The following TM4SF1 variants were observed in gnomAD, a reference collection of about 807,000 sequenced individuals.
TM4SF1 encodes transmembrane 4 L six family member 1, also known as transmembrane 4 L6 family member 1.
Under a neutral mutation model 24.5 loss-of-function variants are expected in TM4SF1, and 20 were observed. The observed-to-expected ratio is 0.82, with a 90% confidence interval of 0.57 to 1.19. The LOEUF is 1.19. TM4SF1 is among the 50% of genes most tolerant of loss of function. TM4SF1 has a pLI of 0.00. For missense variants in TM4SF1, 258 were observed against 248.1 expected, an observed-to-expected ratio of 1.04 and a Z score of -0.27; for synonymous variants, 107 against 95.4, an observed-to-expected ratio of 1.12 and a Z score of -0.71.
At chr3:149,371,427 G>C (rs548776897) in intron 4 of TM4SF1, 2 of 587,102 alleles carry the variant, frequency 3.4e-6, no homozygotes, top group African/African-American at 3.7e-5. Context: ...GATCCTGAAG[G>C]GAGCGCTGTG....
At chr3:149,377,200 C>T (rs368410043) in intron 1 of TM4SF1, among the ~76,000 whole-genome samples, 171 bp downstream of exon 1, 3 of 152,302 alleles carry the variant, frequency 2.0e-5, no homozygotes, top group Middle Eastern at 3.4e-3. Context: ...AAAATTACTA[C>T]GCTATACTGT....
At position 149,375,452 on chromosome 3, in the gene TM4SF1, G is replaced by C. The variant is rs1226206691; in HGVS notation, c.404C>G (p.Thr135Ser). 1.2e-6 allele frequency: 2 copies of C among 1,614,180 alleles called. No individual in the cohort carries two copies. The highest frequency in any genetic ancestry group is 1.7e-6 in the Non-Finnish European group (2 of 1,180,026). ...GAGAGTAATTACATACTGGCCCTCA[G>C]TGCTGGCAAAGGTGTAGTTCCACTG... ...LGQWNYTFAS[T>S]EGQYLLDTST... Residue 135 changes from threonine to serine, a missense_variant, in exon 3 of 5, where the codon ACT becomes AGT. Transcript: ENST00000305366.
At position 149,371,746 on chromosome 3, in the gene TM4SF1, T is replaced by A. The variant is rs774586987; in HGVS notation, c.535A>T (p.Ile179Phe). 1 of 1,614,136 alleles carries A rather than the reference T, an allele frequency of 6.2e-7. No individual in the cohort carries two copies. The highest frequency in any genetic ancestry group is 1.1e-5 in the South Asian group (1 of 91,068). The change falls in exon 4 of 5, where the codon ATT becomes TTT. Residue 179 changes from isoleucine (I) to phenylalanine (F), a missense_variant. Ile to Phe is a conservative substitution (Grantham distance 21). Coordinates refer to ENST00000305366, the MANE Select transcript of TM4SF1 (RefSeq NM_014220.3). ...LGGIEFILCL[I>F]QVINGVLGGI... is the part of the protein sequence containing the mutation. ...CCAAGCACTCCATTTATTACTTGAATAAGACACAAGATGAATTCAATTCCA... is the reference window on the plus strand; with the variant it reads ...CCAAGCACTCCATTTATTACTTGAAAAAGACACAAGATGAATTCAATTCCA...
At chr3:149,371,099 A>G (rs114057789) in intron 4 of TM4SF1, 4,651 of 152,798 alleles carry the variant, frequency 0.03, 222 homozygotes, top group African/African-American at 0.1. Flanking sequence ...GTGATTCTCC[A>G]TACTTACTGC....
At chr3:149,375,864 G>T (rs1731940372) in intron 1 of TM4SF1, 95 bp from the exon 2 acceptor site, 7 of 1,139,886 alleles carry the variant, frequency 6.1e-6, no homozygotes, top group Non-Finnish European at 1.3e-6. Flanking sequence ...TATTTCCAAT[G>T]ACATTAACTG....
At position 149,369,770 on chromosome 3, in the gene TM4SF1, T is replaced by C; in HGVS notation, c.*96A>G. The C allele has an allele frequency of 6.6e-7, 1 of 1,517,302 alleles. No homozygotes were observed. The highest frequency in any genetic ancestry group is 9.1e-7 in the Non-Finnish European group (1 of 1,102,860). The allele number at this position is 1,517,302 out of a possible 1,614,324, so 94.0% of individuals were successfully genotyped here. On this transcript the variant is annotated 3_prime_UTR_variant, in exon 5 of 5. Coordinates refer to ENST00000305366, the MANE Select transcript of TM4SF1 (RefSeq NM_014220.3). ...GTAAAAGTAGACTGTGGGGAGTATG[T>C]TACACTAATACAAAGTTTTACAAAT...
rs369880687 is a variant in TM4SF1 at position 149,377,336 on chromosome 3, A to C, written c.177+35T>G. ...TACATAATGAAAACATCTAGGAAAC[A>C]GGAGAGAATTCAGTAATAATCCTGA... is the stretch of plus-strand genomic sequence containing the variant. On this transcript the variant is annotated intron_variant, in intron 1 of 4. Coordinates refer to ENST00000305366, the MANE Select transcript of TM4SF1 (RefSeq NM_014220.3). 3.4e-5 allele frequency: 53 copies of C among 1,579,728 alleles called. No homozygotes were observed. In the African/African-American group the frequency reaches 6.1e-4, roughly 18 times the overall value.
intron 1 of TM4SF1, among the ~76,000 whole-genome samples, chr3:149,377,154 T>G (rs1366431553): frequency 6.6e-6 from 1 of 152,212 alleles, no homozygotes; most frequent in Non-Finnish European, 1.5e-5. Context: ...CAGTTCACTT[T>G]TAGTTGAAAG....
chr3:149,371,894 C>T (rs1458759202), intron 3 of TM4SF1, 27 bp from the exon 4 acceptor site: 1 of 1,610,632 alleles, frequency 6.2e-7, no homozygotes, highest in East Asian at 2.2e-5. Flanking sequence ...AAACTTCTGA[C>T]ACACGGTCAT....
intron 1 of TM4SF1, among the ~76,000 whole-genome samples, chr3:149,376,289 GAAA>G (rs1731951002): frequency 6.6e-6 from 1 of 152,158 alleles, no homozygotes; most frequent in Admixed American, 6.5e-5. Flanking sequence ...TAGTAAATAT[GAAA>G]TACTTCAGGT....
In TM4SF1 at chr3:149,369,631, T is replaced by C. The variant is rs1200818646; in HGVS notation, c.*235A>G. 5 of 483,572 alleles carry C rather than the reference T, an allele frequency of 1.0e-5. No homozygotes were observed. The highest frequency in any genetic ancestry group is 1.0e-4 in the African/African-American group (5 of 49,530). 30.0% of individuals were successfully genotyped at this position (483,572 alleles called of 1,614,324 possible). A position where few individuals can be genotyped will look rare whatever the true frequency, so the allele number is the denominator to read the frequency against. On this transcript the variant is annotated 3_prime_UTR_variant, in exon 5 of 5. Coordinates refer to ENST00000305366, the MANE Select transcript of TM4SF1 (RefSeq NM_014220.3). Reference sequence around the variant, plus strand: ...CAGTCTGTAAATTACCCCCAGAGGGTGGTTTGTTTCCTCATTCCTTAAAAA... The same window carrying C: ...CAGTCTGTAAATTACCCCCAGAGGGCGGTTTGTTTCCTCATTCCTTAAAAA...
At chr3:149,376,566 C>G (rs1366160190) in intron 1 of TM4SF1, among the ~76,000 whole-genome samples, 1 of 152,070 alleles carries the variant, frequency 6.6e-6, no homozygotes. Flanking sequence ...ATTTGCCATG[C>G]CATAATCAGT....
rs1390225175 is a variant in TM4SF1 at position 149,369,794 on chromosome 3, A to C, written c.*72T>G. The C allele has an allele frequency of 1.9e-6, 3 of 1,599,216 alleles. No homozygotes were observed. Among genetic ancestry groups the C allele is most frequent in the Non-Finnish European group, 2.6e-6 (3 of 1,171,936 alleles). ...GTTACACTAATACAAAGTTTTACAA[A>C]TGAATACAAGTGAAATATATAAATT... is the stretch of plus-strand genomic sequence containing the variant. On this transcript the variant is annotated 3_prime_UTR_variant, in exon 5 of 5. Coordinates refer to ENST00000305366, the MANE Select transcript of TM4SF1 (RefSeq NM_014220.3).
chr3:149,376,561 C>T (rs186674855), intron 1 of TM4SF1, among the ~76,000 whole-genome samples: 6 of 152,218 alleles, frequency 3.9e-5, no homozygotes, highest in East Asian at 3.9e-4. Flanking sequence ...GGCAGATTTG[C>T]CATGCCATAA....
In TM4SF1 at chr3:149,369,845, C is replaced by A. The variant is rs1201302916; in HGVS notation, c.*21G>T. 2.5e-6 allele frequency: 4 copies of A among 1,607,294 alleles called. No individual in the cohort carries two copies. Among genetic ancestry groups the A allele is most frequent in the Non-Finnish European group, 3.4e-6 (4 of 1,177,994 alleles). ...ACAATGAAATAGAGGAAGATTGTGG[C>A]TCTGTCCTGGGTTGGTTCTTTTAGC... On this transcript the variant is annotated 3_prime_UTR_variant, in exon 5 of 5. Coordinates refer to ENST00000305366, the MANE Select transcript of TM4SF1 (RefSeq NM_014220.3).
intron 3 of TM4SF1, 89 bp from the exon 4 acceptor site, chr3:149,371,956 A>G: frequency 1.6e-6 from 2 of 1,260,684 alleles, no homozygotes; most frequent in Non-Finnish European, 2.2e-6. Context: ...TTTCATTCAG[A>G]AAAAAGGAAT....
chr3:149,377,507 A>G lies in TM4SF1; in HGVS notation c.41T>C (p.Leu14Pro), dbSNP rs199783390. 2.2e-4 allele frequency: 348 copies of G among 1,614,140 alleles called. 6 individuals are homozygous for G. The South Asian group carries it at 3.7e-3, about 17-fold the overall frequency. The change falls in exon 1 of 5, where the codon CTG becomes CCG. Residue 14 changes from leucine to proline, a missense_variant. By Grantham distance (98) the Leu-to-Pro change is moderately conservative (BLOSUM62 -3). Coordinates refer to ENST00000305366, the MANE Select transcript of TM4SF1 (RefSeq NM_014220.3). ...GKCARCIGHS[L>P]VGLALLCIAA... is the part of the protein sequence containing the mutation. The stretch of plus-strand genomic sequence containing the variant: ...GATGCACAGGAGGGCGAGCCCCACC[A>G]GAGAATGTCCGATGCATCGTGCACA...
chr3:149,369,729 G>A lies in TM4SF1; in HGVS notation c.*137C>T, dbSNP rs1415384245. 2.0e-6 allele frequency: 2 copies of A among 1,006,382 alleles called. No individual in the cohort carries two copies. The highest frequency in any genetic ancestry group is 2.9e-6 in the Non-Finnish European group (2 of 679,896). 62.3% of individuals were successfully genotyped at this position (1,006,382 alleles called of 1,614,324 possible). A position where few individuals can be genotyped will look rare whatever the true frequency, so the allele number is the denominator to read the frequency against. The stretch of plus-strand genomic sequence containing the variant: ...ACACTGACATCCTGTGAAGATGCCA[G>A]TCTTTACAGGCGTTTGTAAAAGTAG... On this transcript the variant is annotated 3_prime_UTR_variant, in exon 5 of 5. Transcript: ENST00000305366.
intron 3 of TM4SF1, among the ~76,000 whole-genome samples, chr3:149,372,389 A>C (rs528922967): frequency 2.6e-5 from 4 of 152,266 alleles, no homozygotes; most frequent in Admixed American, 6.5e-5. Flanking sequence ...TATTTAGAAA[A>C]TACAATCTCT....
Sources: gnomAD v4.1 joint callset for allele counts (sites outside exome capture counted in the v4.1 genomes callset) on GRCh38, gnomAD v4.1.1 for gene constraint, MANE v1.5 for transcripts, NCBI Gene and HGNC (gene_info 2026-07-23, HGNC 2026-07-21) for gene names.